Variants in FUT9 observed in about 807,000 individuals in gnomAD.
FUT9 encodes the protein 4-galactosyl-N-acetylglucosaminide 3-alpha-L-fucosyltransferase 9.
Under a neutral mutation model 29.7 loss-of-function variants are expected in FUT9, and 15 were observed. The ratio of observed to expected loss-of-function variants is 0.51; its 90% CI spans 0.34 to 0.78. The LOEUF is 0.78. FUT9 is among the 30% of genes least tolerant of loss of function. The probability of loss-of-function intolerance (pLI) is 0.01; values close to 1 mark genes in which losing one functional copy is unlikely to be tolerated. For missense variants in FUT9, 319 were observed against 425.4 expected, an observed-to-expected ratio of 0.75 and a Z score of 2.20; for synonymous variants, 169 against 153.7, an observed-to-expected ratio of 1.10 and a Z score of -0.74.
chr6:96,145,588 A>C (rs759861816), intron 2 of FUT9, among the ~76,000 whole-genome samples: 18 of 152,168 alleles, frequency 1.2e-4, no homozygotes, highest in Non-Finnish European at 2.4e-4. Flanking sequence ...TGGAAGGGTA[A>C]GATTATTTTT....
At chr6:96,087,377 T>C (rs2127952697) in intron 1 of FUT9, among the ~76,000 whole-genome samples, 1 of 148,792 alleles carries the variant, frequency 6.7e-6, no homozygotes, top group African/African-American at 2.5e-5. Context: ...TTTTTTTTTT[T>C]TTTTTTTTGA....
At chr6:96,096,938 T>A (rs552960667) in intron 1 of FUT9, among the ~76,000 whole-genome samples, 1 of 152,244 alleles carries the variant, frequency 6.6e-6, no homozygotes, top group South Asian at 2.1e-4. Context: ...GTTCACTGAA[T>A]ATCTCTGGTG....
chr6:96,090,178 T>C (rs180963989), intron 1 of FUT9, among the ~76,000 whole-genome samples: 40 of 152,150 alleles, frequency 2.6e-4, no homozygotes, highest in Non-Finnish European at 4.7e-4. Context: ...CATACAATTT[T>C]TTGGGGGATG....
At chr6:96,169,536 A>G (rs935265937) in intron 2 of FUT9, among the ~76,000 whole-genome samples, 3 of 152,092 alleles carry the variant, frequency 2.0e-5, no homozygotes, top group African/African-American at 7.2e-5. Context: ...TTGTTTTTAT[A>G]TTGGGGGAGG....
chr6:96,056,715 G>A (rs1343920432), intron 1 of FUT9, among the ~76,000 whole-genome samples: 1 of 151,638 alleles, frequency 6.6e-6, no homozygotes, highest in African/African-American at 2.4e-5. Context: ...ACCACATCCA[G>A]CCCGGATGAC....
At chr6:96,135,132 A>T (rs770676289) in intron 2 of FUT9, among the ~76,000 whole-genome samples, 5 of 151,926 alleles carry the variant, frequency 3.3e-5, no homozygotes, top group Non-Finnish European at 7.4e-5. Context: ...TGAATGGGAG[A>T]CAATGTGGAA....
intron 1 of FUT9, among the ~76,000 whole-genome samples, chr6:96,040,980 T>C (rs903179909): frequency 6.6e-6 from 1 of 152,112 alleles, no homozygotes; most frequent in African/African-American, 2.4e-5. Context: ...TGAGCCTACA[T>C]GTGTCTTTAC....
chr6:96,099,319 G>T (rs181425844), intron 1 of FUT9, among the ~76,000 whole-genome samples: 40 of 152,154 alleles, frequency 2.6e-4, no homozygotes, highest in African/African-American at 9.6e-4. Context: ...TTTTATAACA[G>T]AAAGACATTT....
In FUT9 at chr6:96,093,089, A is replaced by G. The variant is rs578078025; in HGVS notation, c.-97-20950A>G. ...AGCCTCTATTCCTTCCTTTGAGAGC[A>G]CTATTTCAGTTGTTATTTCTCATTG... On this transcript the variant is annotated intron_variant, in intron 1 of 2. Coordinates refer to ENST00000302103, the MANE Select transcript of FUT9 (RefSeq NM_006581.4). 2.0e-5 allele frequency among the ~76,000 whole-genome samples: 3 copies of G among 152,168 alleles called. No homozygotes were observed. In the East Asian group the frequency reaches 5.8e-4, roughly 29 times the overall value.
chr6:96,189,998 G>C (rs1293283527), intron 2 of FUT9, among the ~76,000 whole-genome samples: 1 of 152,152 alleles, frequency 6.6e-6, no homozygotes, highest in Non-Finnish European at 1.5e-5. Flanking sequence ...TTTCTTCCTA[G>C]CATCAATGGT....
chr6:96,140,672 G>A (rs1772445992), intron 2 of FUT9, among the ~76,000 whole-genome samples: 2 of 152,166 alleles, frequency 1.3e-5, no homozygotes, highest in Non-Finnish European at 2.9e-5. Context: ...AAGAACGTAT[G>A]CAAGAGAACT....
chr6:96,051,621 C>G (rs1212172421), intron 1 of FUT9, among the ~76,000 whole-genome samples: 4 of 151,878 alleles, frequency 2.6e-5, no homozygotes, highest in African/African-American at 9.7e-5. Flanking sequence ...CCACTGCACT[C>G]CAGCCTTGGC....
At chr6:96,023,216 A>G (rs915761342) in intron 1 of FUT9, among the ~76,000 whole-genome samples, 6 of 151,966 alleles carry the variant, frequency 3.9e-5, no homozygotes, top group Non-Finnish European at 5.9e-5. Flanking sequence ...ATGAAGAGAC[A>G]GCAGTTTTTC....
intron 2 of FUT9, among the ~76,000 whole-genome samples, chr6:96,190,128 C>A (rs988096003): frequency 3.3e-5 from 5 of 152,038 alleles, no homozygotes; most frequent in Non-Finnish European, 7.4e-5. Context: ...TCAGCATTTG[C>A]TTGTCTATAA....
At chr6:96,061,439 C>T (rs1770873488) in intron 1 of FUT9, among the ~76,000 whole-genome samples, 1 of 151,050 alleles carries the variant, frequency 6.6e-6, no homozygotes, top group African/African-American at 2.4e-5. Context: ...TTTACAAACG[C>T]TTTCATTCTT....
intron 1 of FUT9, among the ~76,000 whole-genome samples, chr6:96,052,867 G>T (rs1027932410): frequency 6.6e-6 from 1 of 151,848 alleles, no homozygotes; most frequent in Non-Finnish European, 1.5e-5. Flanking sequence ...AGAATAGAAG[G>T]GAAAGCTTAG....
chr6:96,092,054 T>TA (rs1424418790), intron 1 of FUT9, among the ~76,000 whole-genome samples: 1 of 152,034 alleles, frequency 6.6e-6, no homozygotes, highest in Non-Finnish European at 1.5e-5. Flanking sequence ...ATAGTGCAAT[T>TA]AAAAATAGTA....
intron 2 of FUT9, among the ~76,000 whole-genome samples, chr6:96,150,571 T>C (rs992808021): frequency 1.3e-5 from 2 of 152,154 alleles, no homozygotes; most frequent in African/African-American, 4.8e-5. Flanking sequence ...GCTGTGCTTT[T>C]GGAGATTTAT....
chr6:96,069,989 T>C (rs1407344439), intron 1 of FUT9, among the ~76,000 whole-genome samples: 1 of 151,650 alleles, frequency 6.6e-6, no homozygotes, highest in Admixed American at 6.6e-5. Flanking sequence ...AAAACAGAGA[T>C]CAAAGAAAAA....
Sources: allele counts gnomAD v4.1 joint callset (sites outside exome capture counted in the v4.1 genomes callset), GRCh38; gene constraint gnomAD v4.1.1; transcripts MANE v1.5; gene names NCBI Gene and HGNC (gene_info 2026-07-23, HGNC 2026-07-21).